The following NSUN2 variants were observed in gnomAD, a reference collection of about 807,000 sequenced individuals.
NSUN2 encodes the protein NOP2/Sun RNA methyltransferase 2.
A neutral mutation model predicts 92.7 loss-of-function variants in NSUN2; 63 were observed. The observed-to-expected ratio is 0.68, with a 90% confidence interval of 0.56 to 0.84. The LOEUF is 0.84. NSUN2 is among the 40% of genes least tolerant of loss of function. The pLI, the probability that NSUN2 is intolerant of heterozygous loss-of-function variation, is 0.00. For missense variants in NSUN2, 989 were observed against 964.9 expected, an observed-to-expected ratio of 1.02 and a Z score of -0.33; for synonymous variants, 356 against 348.3, an observed-to-expected ratio of 1.02 and a Z score of -0.25.
At chr5:6,606,798 A>T (rs754352793) in intron 14 of NSUN2, 22 bp downstream of exon 14, 1 of 1,352,900 alleles carries the variant, frequency 7.4e-7, no homozygotes, top group South Asian at 1.2e-5. Flanking sequence ...TAAATGAATA[A>T]TTAAAAAGGC....
chr5:6,626,907 G>C (rs1737678248), intron 3 of NSUN2, among the ~76,000 whole-genome samples: 1 of 152,134 alleles, frequency 6.6e-6, no homozygotes, highest in African/African-American at 2.4e-5. Context: ...AATAAAACTG[G>C]AATGTCTGGA....
intron 5 of NSUN2, 91 bp downstream of exon 5, chr5:6,623,123 T>A (rs1270332026): frequency 9.6e-7 from 1 of 1,042,638 alleles, no homozygotes; most frequent in African/African-American, 1.6e-5. Context: ...AAGGACTAAT[T>A]ATATTAAGAA....
chr5:6,607,837 AG>A (rs148173318), intron 12 of NSUN2, among the ~76,000 whole-genome samples: 2,423 of 152,354 alleles, frequency 0.016, 84 homozygotes, highest in African/African-American at 0.055. Context: ...AAACTGCCAC[AG>A]GAACTGGGAG....
At chr5:6,615,176 C>T (rs576985356) in intron 9 of NSUN2, among the ~76,000 whole-genome samples, 5 of 151,874 alleles carry the variant, frequency 3.3e-5, no homozygotes, top group East Asian at 3.9e-4. Flanking sequence ...GCAGTGAGTG[C>T]GCCCAGGAAC....
At chr5:6,604,016 T>G in intron 17 of NSUN2, 122 bp downstream of exon 17, 1 of 866,212 alleles carries the variant, frequency 1.2e-6, no homozygotes, top group Non-Finnish European at 1.8e-6. Context: ...TGGAAATTGA[T>G]GTAGCCATAA....
Position 6,632,626 on chromosome 5 carries a change from G to A in NSUN2, c.227C>T (p.Ala76Val). Residue 76 changes from alanine (A) to valine (V), a missense_variant, in exon 2 of 19, where the codon GCC becomes GTC. Physicochemically the swap from Ala to Val is moderately conservative, Grantham distance 64 (BLOSUM62 0). Coordinates refer to ENST00000264670, the MANE Select transcript of NSUN2 (RefSeq NM_017755.6). Reference sequence around the variant, plus strand: ...TTTGTAACCAGTAATTCTTAAAGTGGCCGGGAGCGGCTCCCTGAGAGCGTC... The same window carrying A: ...TTTGTAACCAGTAATTCTTAAAGTGACCGGGAGCGGCTCCCTGAGAGCGTC... The part of the protein sequence containing the change: ...FMDALREPLP[A>V]TLRITGYKSH... The A allele has an allele frequency of 6.2e-7, 1 of 1,614,130 alleles. No homozygotes were observed. The highest frequency in any genetic ancestry group is 1.1e-5 in the South Asian group (1 of 91,086).
At chr5:6,605,675 T>G (rs1037870659) in intron 14 of NSUN2, among the ~76,000 whole-genome samples, 5 of 152,056 alleles carry the variant, frequency 3.3e-5, no homozygotes, top group Admixed American at 1.3e-4. Flanking sequence ...CCAATGATAA[T>G]GACCTGATAA....
At chr5:6,608,925 G>A (rs1736883923) in intron 12 of NSUN2, among the ~76,000 whole-genome samples, 1 of 152,180 alleles carries the variant, frequency 6.6e-6, no homozygotes, top group African/African-American at 2.4e-5. Flanking sequence ...AAGATACCTT[G>A]TGAGACTTTT....
intron 17 of NSUN2, among the ~76,000 whole-genome samples, 190 bp from the exon 18 acceptor site, chr5:6,602,690 C>T (rs1027675966): frequency 5.3e-5 from 8 of 152,262 alleles, no homozygotes; most frequent in South Asian, 4.1e-4. Flanking sequence ...GTCCAAATGA[C>T]GCAGTAGGGA....
chr5:6,625,203 T>A (rs1737608559), intron 4 of NSUN2, among the ~76,000 whole-genome samples: 1 of 152,200 alleles, frequency 6.6e-6, no homozygotes, highest in Non-Finnish European at 1.5e-5. Flanking sequence ...CCTACCAAGA[T>A]GGCCTTAAAA....
At chr5:6,611,905 C>A (rs1579363309) in intron 9 of NSUN2, 107 bp from the exon 10 acceptor site, 4 of 1,011,166 alleles carry the variant, frequency 4.0e-6, no homozygotes, top group Non-Finnish European at 5.9e-6. Context: ...ATTCCATGTA[C>A]AGAAAATGTC....
At chr5:6,602,691 G>A (rs959639296) in intron 17 of NSUN2, among the ~76,000 whole-genome samples, 191 bp from the exon 18 acceptor site, 3 of 152,186 alleles carry the variant, frequency 2.0e-5, no homozygotes, top group East Asian at 1.9e-4. Context: ...TCCAAATGAC[G>A]CAGTAGGGAC....
At chr5:6,621,134 T>A (rs1033858984) in intron 6 of NSUN2, 1 of 152,112 alleles carries the variant, frequency 6.6e-6, no homozygotes, top group South Asian at 2.1e-4. Flanking sequence ...AACATCACGA[T>A]GGGTATTTGT....
rs758640625 is a variant in NSUN2, at chr5:6,606,837, T to C, written c.1584A>G (p.Pro528=). The part of the protein sequence containing the change: ...DPFVFIPEDD[P]LFPPIEKFYA... Reference sequence around the variant, plus strand: ...ATCCTTACTCAATAGGTGGAAATAATGGGTCATCTTCAGGAATAAATACAA... The same window carrying C: ...ATCCTTACTCAATAGGTGGAAATAACGGGTCATCTTCAGGAATAAATACAA... Residue 528 remains proline, a synonymous_variant, in exon 14 of 19, where the codon CCA becomes CCG. Coordinates refer to ENST00000264670, the MANE Select transcript of NSUN2 (RefSeq NM_017755.6). The C allele has an allele frequency of 8.9e-6, 14 of 1,576,538 alleles. No homozygotes were observed. The highest frequency in any genetic ancestry group is 1.1e-5 in the Non-Finnish European group (13 of 1,147,236).
chr5:6,616,972 A>T (rs996289017), intron 8 of NSUN2, 115 bp from the exon 9 acceptor site: 12 of 890,050 alleles, frequency 1.3e-5, no homozygotes, highest in East Asian at 2.8e-5. Context: ...AATTATACTT[A>T]AAAAAAACCT....
At chr5:6,614,426 C>A (rs1737128628) in intron 9 of NSUN2, among the ~76,000 whole-genome samples, 1 of 152,178 alleles carries the variant, frequency 6.6e-6, no homozygotes, top group African/African-American at 2.4e-5. Flanking sequence ...CTCTTCCTCA[C>A]TCCCCCGTGC....
At chr5:6,624,598 G>T (rs953158141) in intron 4 of NSUN2, among the ~76,000 whole-genome samples, 4 of 152,210 alleles carry the variant, frequency 2.6e-5, no homozygotes, top group African/African-American at 9.7e-5. Flanking sequence ...CATCTAGATT[G>T]AAAGTTGAGC....
At chr5:6,623,749 T>C (rs1737550003) in intron 4 of NSUN2, among the ~76,000 whole-genome samples, 1 of 152,226 alleles carries the variant, frequency 6.6e-6, no homozygotes, top group South Asian at 2.1e-4. Flanking sequence ...ATGCCCACTT[T>C]CTATTTCTCA....
chr5:6,616,609 G>T (rs1412172024), intron 9 of NSUN2, 118 bp downstream of exon 9: 1 of 594,422 alleles, frequency 1.7e-6, no homozygotes, highest in African/African-American at 1.9e-5. Flanking sequence ...TACCTAACGG[G>T]ACTGAACTGC....
Sources: gnomAD v4.1 joint callset for allele counts (sites outside exome capture counted in the v4.1 genomes callset) on GRCh38, gnomAD v4.1.1 for gene constraint, MANE v1.5 for transcripts, NCBI Gene and HGNC (gene_info 2026-07-23, HGNC 2026-07-21) for gene names.